The following TG variants were observed in gnomAD, a reference collection of about 807,000 sequenced individuals.
TG encodes the protein thyroid hormones.
In TG, 270 loss-of-function variants were observed where a neutral mutation model predicts 324.7. The observed-to-expected ratio is 0.83, with a 90% confidence interval of 0.75 to 0.92. The LOEUF (loss-of-function observed/expected upper bound fraction) is 0.92, where lower values mean the gene tolerates loss of function less well. TG is among the 40% of genes least tolerant of loss of function. The probability of loss-of-function intolerance (pLI) is 0.00; values close to 1 mark genes in which losing one functional copy is unlikely to be tolerated. For synonymous variants in TG, 1,401 were observed against 1,327.0 expected (o/e 1.06, Z -1.21); for missense variants, 3,591 against 3,456.4 (o/e 1.04, Z -0.98).
intron 5 of TG, among the ~76,000 whole-genome samples, chr8:132,873,697 A>C (rs2132063925): frequency 6.6e-6 from 1 of 152,350 alleles, no homozygotes; most frequent in Middle Eastern, 3.4e-3. Context: ...AATATAATAT[A>C]ATATGCTTAA....
chr8:132,935,215 A>G lies in TG; in HGVS notation c.4933-541A>G, dbSNP rs1033819866. 3.3e-5 allele frequency among the ~76,000 whole-genome samples: 5 copies of G among 149,300 alleles called. No homozygotes were observed. In the Admixed American group the frequency reaches 3.4e-4, roughly 10 times the overall value. Reference sequence around the variant, plus strand: ...GAGTACAGTGGTGCAAACTAGGCTCACTGCAACCTCCGCCTCCCAGGTTCA... The same window carrying G: ...GAGTACAGTGGTGCAAACTAGGCTCGCTGCAACCTCCGCCTCCCAGGTTCA... On this transcript the variant is annotated intron_variant, in intron 24 of 47. Transcript: ENST00000220616.
intron 40 of TG, among the ~76,000 whole-genome samples, chr8:133,025,929 G>A (rs1836026918): frequency 6.6e-6 from 1 of 152,144 alleles, no homozygotes; most frequent in Admixed American, 6.5e-5. Flanking sequence ...CCCCATCCCA[G>A]TGCAGGCTGC....
At chr8:132,992,980 C>T (rs1240929724) in intron 35 of TG, among the ~76,000 whole-genome samples, 2 of 152,170 alleles carry the variant, frequency 1.3e-5, no homozygotes. Flanking sequence ...GGAGTCCCAG[C>T]ACCTGTGGGA....
At chr8:133,132,085 C>T (rs374020815) in intron 46 of TG, 139 bp downstream of exon 46, 1 of 1,347,608 alleles carries the variant, frequency 7.4e-7, no homozygotes, top group Middle Eastern at 2.5e-4. Context: ...CCACTGGCCT[C>T]CCTGTCTCAG....
intron 19 of TG, 148 bp downstream of exon 19, chr8:132,911,681 TA>T (rs1397465948): frequency 3.4e-5 from 24 of 698,496 alleles, no homozygotes; most frequent in Non-Finnish European, 6.0e-5. Flanking sequence ...AAACATATAA[TA>T]ATCAATAGAC....
intron 5 of TG, among the ~76,000 whole-genome samples, chr8:132,877,946 C>G (rs2132093539): frequency 6.6e-6 from 1 of 151,234 alleles, no homozygotes; most frequent in East Asian, 1.9e-4. Context: ...CTGATATGCC[C>G]AAAACAGGAT....
chr8:133,111,508 GT>G (rs897725242), intron 43 of TG, among the ~76,000 whole-genome samples: 2 of 152,162 alleles, frequency 1.3e-5, no homozygotes, highest in African/African-American at 4.8e-5. Context: ...ATATAATGCA[GT>G]TTTTTCCCTA....
rs1221472734 is a variant in TG at position 132,898,845 on chromosome 8, T to C, written c.3265T>C (p.Trp1089Arg). 6.2e-7 allele frequency: 1 copy of C among 1,614,144 alleles called. No homozygotes were observed. Residue 1089 changes from tryptophan (W) to arginine (R), a missense_variant, in exon 14 of 48, where the codon TGG becomes CGG. Coordinates refer to ENST00000220616, the MANE Select transcript of TG (RefSeq NM_003235.5). ...TCGAACCAGTGGGCTGCTTTCCAGT[T>C]GGAAACAGGCTAGATCCCAAGAAAA... The part of the protein sequence containing the change: ...KSRTSGLLSS[W>R]KQARSQENPS...
chr8:133,000,313 C>T (rs897490567), intron 35 of TG, among the ~76,000 whole-genome samples: 6 of 152,170 alleles, frequency 3.9e-5, no homozygotes, highest in Non-Finnish European at 8.8e-5. Context: ...GAAGATGGGA[C>T]CAACCCTAGC....
At chr8:132,975,973 A>G (rs1830124196) in intron 34 of TG, among the ~76,000 whole-genome samples, 1 of 152,230 alleles carries the variant, frequency 6.6e-6, no homozygotes, top group Non-Finnish European at 1.5e-5. Context: ...GTCTGTTTTC[A>G]GTTATATACT....
intron 45 of TG, among the ~76,000 whole-genome samples, chr8:133,120,515 G>A (rs1851058665): frequency 6.6e-6 from 1 of 152,190 alleles, no homozygotes. Context: ...CCCCCTGTAG[G>A]TGCTAGGGAA....
chr8:132,883,193 C>T (rs975405193), intron 8 of TG, 194 bp downstream of exon 8: 77 of 626,852 alleles, frequency 1.2e-4, no homozygotes, highest in East Asian at 8.7e-4. Flanking sequence ...TGTCAGACCT[C>T]GTTGCATTTT....
In TG at chr8:132,911,369, T is replaced by C. The variant is rs1819500475; in HGVS notation, c.4003-8T>C. 1.9e-6 allele frequency: 3 copies of C among 1,614,062 alleles called. No homozygotes were observed. Among genetic ancestry groups the C allele is most frequent in the Non-Finnish European group, 1.7e-6 (2 of 1,180,042 alleles). On this transcript the variant is annotated splice_polypyrimidine_tract_variant and splice_region_variant and intron_variant, in intron 18 of 47. Coordinates refer to ENST00000220616, the MANE Select transcript of TG (RefSeq NM_003235.5). The stretch of plus-strand genomic sequence containing the variant: ...GTTCTTGAGCTGAAAGTGTCTGTCT[T>C]CTTGTAGGTGAAGACTTTTGGCACC...
chr8:133,130,138 G>A (rs747590765), intron 45 of TG, among the ~76,000 whole-genome samples: 1 of 152,190 alleles, frequency 6.6e-6, no homozygotes. Context: ...CAGACCCAGA[G>A]ACATTAGACA....
chr8:133,070,742 G>A (rs1843878159), intron 41 of TG, among the ~76,000 whole-genome samples: 1 of 152,116 alleles, frequency 6.6e-6, no homozygotes, highest in South Asian at 2.1e-4. Context: ...CTAAGAGCTG[G>A]GTCTGCTGGC....
intron 30 of TG, among the ~76,000 whole-genome samples, 196 bp from the exon 31 acceptor site, chr8:132,967,591 AGCACACG>A (rs780911604): frequency 1.2e-4 from 18 of 152,096 alleles, no homozygotes; most frequent in Non-Finnish European, 2.2e-4. Flanking sequence ...TTTATTCAGG[AGCACACG>A]GCCCCCTCCC....
chr8:132,890,968 C>G (rs1402778664), intron 10 of TG, among the ~76,000 whole-genome samples: 2 of 152,044 alleles, frequency 1.3e-5, no homozygotes, highest in African/African-American at 4.8e-5. Flanking sequence ...GGAAGACAGT[C>G]AGGTGAAGGA....
chr8:133,037,621 G>A (rs571357391), intron 41 of TG: 1 of 151,372 alleles, frequency 6.6e-6, no homozygotes, highest in East Asian at 1.9e-4. Context: ...CTCTGTTGGG[G>A]GTTAGGACTT....
chr8:133,071,005 A>G (rs1459426048), intron 41 of TG, among the ~76,000 whole-genome samples: 1 of 151,864 alleles, frequency 6.6e-6, no homozygotes, highest in East Asian at 1.9e-4. Context: ...GGGCCAATCA[A>G]CTCCCCTGAG....
Sources: gnomAD v4.1 joint callset for allele counts (sites outside exome capture counted in the v4.1 genomes callset) on GRCh38, gnomAD v4.1.1 for gene constraint, MANE v1.5 for transcripts, NCBI Gene and HGNC (gene_info 2026-07-23, HGNC 2026-07-21) for gene names.